NRXN1: variants seen among roughly 807,000 people sequenced by gnomAD.
NRXN1 encodes the protein neurexin 1.
A neutral mutation model predicts 150.9 loss-of-function variants in NRXN1; 39 were observed. The observed-to-expected ratio is 0.26, with a 90% CI of 0.20 to 0.34. The LOEUF is 0.34. Ranked by LOEUF, NRXN1 falls within the 10% of genes least tolerant of loss-of-function variation. NRXN1 has a pLI of 1.00. For synonymous variants in NRXN1, 924 were observed against 757.0 expected, an observed-to-expected ratio of 1.22 and a Z score of -3.62; for missense variants, 1,815 against 1,949.9, an observed-to-expected ratio of 0.93 and a Z score of 1.30.
chr2:50,828,590 A>C (rs1367315556), intron 5 of NRXN1, among the ~76,000 whole-genome samples: 1 of 143,292 alleles, frequency 7.0e-6, no homozygotes, highest in Non-Finnish European at 1.5e-5. Flanking sequence ...CATCCCAGAC[A>C]GGGCGGTGGG....
chr2:50,165,211 G>C (rs1043539276), intron 18 of NRXN1, among the ~76,000 whole-genome samples: 2 of 152,188 alleles, frequency 1.3e-5, no homozygotes, highest in Admixed American at 6.5e-5. Context: ...AGGTGGTCTA[G>C]ATAACAGTCA....
At chr2:50,945,877 G>GATATATATATAT (rs72142854) in intron 2 of NRXN1, among the ~76,000 whole-genome samples, 13 of 138,682 alleles carry the variant, frequency 9.4e-5, no homozygotes, top group South Asian at 9.2e-4. Flanking sequence ...CAGAAAAACA[G>GATATATATATAT]ATATATATAT....
At chr2:50,356,256 T>C (rs968326268) in intron 17 of NRXN1, among the ~76,000 whole-genome samples, 14 of 152,270 alleles carry the variant, frequency 9.2e-5, no homozygotes, top group African/African-American at 2.6e-4. Flanking sequence ...TTTTCTGGGA[T>C]GGATGAGGGA....
At chr2:50,486,203 A>G (rs904826138) in intron 15 of NRXN1, among the ~76,000 whole-genome samples, 2 of 152,150 alleles carry the variant, frequency 1.3e-5, no homozygotes, top group Non-Finnish European at 2.9e-5. Flanking sequence ...GCTTTCACAC[A>G]TAAGCCCTTA....
intron 17 of NRXN1, among the ~76,000 whole-genome samples, chr2:50,344,115 C>G (rs2077748822): frequency 6.6e-6 from 1 of 152,066 alleles, no homozygotes; most frequent in Admixed American, 6.6e-5. Context: ...GAGCTATTGA[C>G]CCAACAAATT....
intron 17 of NRXN1, among the ~76,000 whole-genome samples, chr2:50,275,987 CAAA>C (rs34672241): frequency 7.8e-6 from 1 of 127,966 alleles, no homozygotes; most frequent in Non-Finnish European, 1.6e-5. Flanking sequence ...TCCTACCTTG[CAAA>C]AAAAAAAAAA....
intron 18 of NRXN1, among the ~76,000 whole-genome samples, chr2:50,117,585 A>G (rs6741087): frequency 0.71 from 107,803 of 152,054 alleles, 39,025 homozygotes; most frequent in African/African-American, 0.85. Context: ...GATTAGAAGA[A>G]CAAGTATTAA....
At chr2:50,840,148 A>T (rs1672665458) in intron 5 of NRXN1, among the ~76,000 whole-genome samples, 1 of 152,142 alleles carries the variant, frequency 6.6e-6, no homozygotes, top group Non-Finnish European at 1.5e-5. Flanking sequence ...CTCATTATTT[A>T]GATCATTATC....
intron 15 of NRXN1, among the ~76,000 whole-genome samples, chr2:50,480,889 T>C (rs1640909829): frequency 6.6e-6 from 1 of 152,072 alleles, no homozygotes; most frequent in Admixed American, 6.5e-5. Context: ...TGGTAATCAG[T>C]GTCAGGCATT....
intron 5 of NRXN1, among the ~76,000 whole-genome samples, chr2:50,718,304 T>C (rs371430937): frequency 8.5e-5 from 13 of 152,186 alleles, no homozygotes; most frequent in African/African-American, 1.9e-4. Context: ...CAAAAAAAAT[T>C]TGGCTTAGCC....
intron 17 of NRXN1, among the ~76,000 whole-genome samples, chr2:50,340,876 G>A (rs752280853): frequency 5.9e-5 from 9 of 152,072 alleles, no homozygotes; most frequent in South Asian, 2.1e-4. Flanking sequence ...ATGAGTCATC[G>A]AGGGCTGACT....
intron 19 of NRXN1, among the ~76,000 whole-genome samples, chr2:50,056,410 A>G (rs1693632066): frequency 6.6e-6 from 1 of 152,162 alleles, no homozygotes; most frequent in Admixed American, 6.6e-5. Context: ...GACTGAAAAT[A>G]TTTCACACAT....
chr2:50,944,852 G>A (rs771395149), intron 2 of NRXN1, among the ~76,000 whole-genome samples: 8 of 152,206 alleles, frequency 5.3e-5, no homozygotes, highest in African/African-American at 1.2e-4. Context: ...CACTGTGTGT[G>A]CTAAAATCTG....
intron 17 of NRXN1, among the ~76,000 whole-genome samples, chr2:50,240,154 T>C (rs1344779139): frequency 1.3e-5 from 2 of 151,724 alleles, no homozygotes; most frequent in Non-Finnish European, 3.0e-5. Flanking sequence ...GATTAGCTAA[T>C]CTGTCTTGTT....
chr2:50,651,821 G>A (rs957302000), intron 5 of NRXN1, among the ~76,000 whole-genome samples: 1 of 151,828 alleles, frequency 6.6e-6, no homozygotes, highest in Admixed American at 6.6e-5. Flanking sequence ...GCAATTTTCT[G>A]GTCCTAATTA....
chr2:50,456,848 T>A (rs576910542), intron 17 of NRXN1, among the ~76,000 whole-genome samples: 1 of 152,214 alleles, frequency 6.6e-6, no homozygotes, highest in Admixed American at 6.5e-5. Flanking sequence ...TCCGACTTAG[T>A]CTTTTTTTCT....
intron 17 of NRXN1, among the ~76,000 whole-genome samples, chr2:50,433,474 A>T (rs944489305): frequency 2.6e-5 from 4 of 152,134 alleles, no homozygotes; most frequent in Non-Finnish European, 5.9e-5. Flanking sequence ...GAAGATCTTC[A>T]GTGGAAGAAA....
At chr2:50,355,689 A>T (rs2153005018) in intron 17 of NRXN1, among the ~76,000 whole-genome samples, 1 of 152,264 alleles carries the variant, frequency 6.6e-6, no homozygotes, top group East Asian at 1.9e-4. Flanking sequence ...CCATTGGAAA[A>T]ATTTCTGAAC....
At chr2:50,722,090 A>G (rs1274474157) in intron 5 of NRXN1, among the ~76,000 whole-genome samples, 1 of 152,196 alleles carries the variant, frequency 6.6e-6, no homozygotes, top group Non-Finnish European at 1.5e-5. Context: ...ATATACGTCC[A>G]ATGAATCTAG....
Sources: gnomAD v4.1 joint callset for allele counts (sites outside exome capture counted in the v4.1 genomes callset) on GRCh38, gnomAD v4.1.1 for gene constraint, MANE v1.5 for transcripts, NCBI Gene and HGNC (gene_info 2026-07-23, HGNC 2026-07-21) for gene names.